Variants in CCL28 observed in about 807,000 individuals in gnomAD.
The protein encoded by CCL28 is C-C motif chemokine 28.
Under a neutral mutation model 7.1 loss-of-function variants are expected in CCL28, and 4 were observed. That is an observed-to-expected ratio of 0.56 (90% CI 0.28 to 1.29). CCL28 has a LOEUF of 1.29. CCL28 is among the 50% of genes most tolerant of loss of function. The pLI, the probability that CCL28 is intolerant of heterozygous loss-of-function variation, is 0.11. For missense variants in CCL28, 151 were observed against 163.4 expected, an observed-to-expected ratio of 0.92 and a Z score of 0.41; for synonymous variants, 55 against 57.8, an observed-to-expected ratio of 0.95 and a Z score of 0.22.
rs10716059 is a variant in CCL28, at chr5:43,393,346, G to GT, written c.65-4871dup. On this transcript the variant is annotated intron_variant, in intron 1 of 2. Coordinates refer to ENST00000361115, the MANE Select transcript of CCL28 (RefSeq NM_148672.3). ...ACCACCACACCCATCCCTTTCTTCC[G>GT]TTTTTTTTTTTCTTTTCTTTTTTTC... 2.4e-3 allele frequency among the ~76,000 whole-genome samples: 344 copies of GT among 145,676 alleles called. 1 individual carries two copies. Among genetic ancestry groups the GT allele is most frequent in the East Asian group, 4.8e-3 (24 of 5,024 alleles).
At chr5:43,373,829 G>C (rs1282169114), downstream of CCL28, among the ~76,000 whole-genome samples, 1 of 152,156 alleles carries the variant, frequency 6.6e-6, no homozygotes, top group Non-Finnish European at 1.5e-5. Flanking sequence ...CGTTTCTCCT[G>C]TCCTACCTAC....
downstream of CCL28, among the ~76,000 whole-genome samples, chr5:43,374,322 C>T (rs867469697): frequency 2.0e-5 from 3 of 152,168 alleles, no homozygotes; most frequent in Admixed American, 6.5e-5. Flanking sequence ...TGAGGAAGAG[C>T]ATAAGCATGG....
chr5:43,381,778 G>C lies in CCL28; in HGVS notation c.*82C>G, dbSNP rs1423713861. 8.6e-7 allele frequency: 1 copy of C among 1,156,312 alleles called. No homozygotes were observed. The highest frequency in any genetic ancestry group is 1.2e-6 in the Non-Finnish European group (1 of 802,000). The allele number at this position is 1,156,312 out of a possible 1,614,324, so 71.6% of individuals were successfully genotyped here. A position where few individuals can be genotyped will look rare whatever the true frequency, so the allele number is the denominator to read the frequency against. On this transcript the variant is annotated 3_prime_UTR_variant, in exon 3 of 3. Transcript: ENST00000361115. ...GTTTTGTTCTGTTGTCTACAATAAGGAGAATTCAGATGATAAACTTACAAC... is the reference window on the plus strand; with the variant it reads ...GTTTTGTTCTGTTGTCTACAATAAGCAGAATTCAGATGATAAACTTACAAC...
chr5:43,378,164 G>A (rs1365615532), downstream of CCL28, among the ~76,000 whole-genome samples: 1 of 142,534 alleles, frequency 7.0e-6, no homozygotes, highest in Non-Finnish European at 1.5e-5. Context: ...GCAACATAGT[G>A]AGACCCTGTC....
intron 1 of CCL28, among the ~76,000 whole-genome samples, chr5:43,396,645 G>A (rs577490467): frequency 6.6e-6 from 1 of 151,990 alleles, no homozygotes; most frequent in Admixed American, 6.6e-5. Context: ...AATGGGTGGG[G>A]TACAGTTAAA....
At chr5:43,367,368 A>C in the CCL28 span, among the ~76,000 whole-genome samples, 1 of 152,032 alleles carries the variant, frequency 6.6e-6, no homozygotes, top group Admixed American at 6.5e-5. Flanking sequence ...TGACATAAGC[A>C]CCCAAGGGAA....
chr5:43,378,001 G>A (rs1739953887), downstream of CCL28, among the ~76,000 whole-genome samples: 2 of 131,680 alleles, frequency 1.5e-5, no homozygotes, highest in Non-Finnish European at 3.0e-5. Context: ...CAAAGTGCTG[G>A]GATTACAGGC....
chr5:43,377,873 C>T (rs1739948495), downstream of CCL28, among the ~76,000 whole-genome samples: 1 of 148,194 alleles, frequency 6.7e-6, no homozygotes, highest in African/African-American at 2.5e-5. Flanking sequence ...GCTGGGACTA[C>T]AGGCGCCCGC....
the CCL28 span, among the ~76,000 whole-genome samples, chr5:43,364,409 C>T: frequency 6.6e-6 from 1 of 151,256 alleles, no homozygotes; most frequent in Non-Finnish European, 1.5e-5. Context: ...TGCTAAGTAC[C>T]CTGATTTGAT....
the CCL28 span, among the ~76,000 whole-genome samples, chr5:43,366,128 G>A: frequency 5.3e-5 from 8 of 152,116 alleles, no homozygotes; most frequent in African/African-American, 1.9e-4. Flanking sequence ...TAGCTCAGAG[G>A]AGTTTGTTAT....
the CCL28 span, among the ~76,000 whole-genome samples, chr5:43,369,105 A>G: frequency 1.1e-4 from 17 of 151,266 alleles, no homozygotes; most frequent in Non-Finnish European, 1.8e-4. Flanking sequence ...ACAAAGTCAC[A>G]ATCTTTTATA....
intron 1 of CCL28, among the ~76,000 whole-genome samples, chr5:43,407,843 C>CATTTCTGAAAAGAAGAT (rs1163345228): frequency 2.0e-5 from 3 of 152,198 alleles, no homozygotes; most frequent in African/African-American, 7.2e-5. Context: ...TATGAACAGA[C>CATTTCTGAAAAGAAGAT]ATTTCTGAAA....
At chr5:43,401,222 G>T (rs1741022242) in intron 1 of CCL28, among the ~76,000 whole-genome samples, 1 of 152,172 alleles carries the variant, frequency 6.6e-6, no homozygotes, top group African/African-American at 2.4e-5. Flanking sequence ...GACCACTGCT[G>T]TCACTAAGTG....
chr5:43,399,537 A>T (rs6451687), intron 1 of CCL28, among the ~76,000 whole-genome samples: 17,620 of 152,218 alleles, frequency 0.12, 2,165 homozygotes, highest in African/African-American at 0.31. Context: ...TAGTGCTAAA[A>T]AAGTTTCTTG....
chr5:43,366,574 G>A, the CCL28 span, among the ~76,000 whole-genome samples: 7 of 152,198 alleles, frequency 4.6e-5, no homozygotes, highest in Non-Finnish European at 8.8e-5. Flanking sequence ...TGTATGAAGT[G>A]TCTGTCAGCC....
intron 2 of CCL28, among the ~76,000 whole-genome samples, chr5:43,382,855 G>C (rs182159193): frequency 3.3e-5 from 5 of 151,538 alleles, no homozygotes; most frequent in Admixed American, 3.3e-4. Context: ...TTTTGCTCTT[G>C]TCACCCAGGC....
chr5:43,406,879 C>A (rs554694548), intron 1 of CCL28, among the ~76,000 whole-genome samples: 14 of 152,292 alleles, frequency 9.2e-5, no homozygotes, highest in African/African-American at 3.4e-4. Context: ...CATGAGTGAA[C>A]TCCCATTCAC....
Position 43,380,979 on chromosome 5 carries a change from T to C in CCL28, c.*881A>G, listed in dbSNP as rs1740089409. The C allele has an allele frequency of 6.6e-6, 1 of 152,154 alleles. No individual in the cohort carries two copies. The highest frequency in any genetic ancestry group is 1.5e-5 in the Non-Finnish European group (1 of 67,986). The allele number at this position is 152,154 out of a possible 1,614,324, so 9.4% of individuals were successfully genotyped here. A position where few individuals can be genotyped will look rare whatever the true frequency, so the allele number is the denominator to read the frequency against. On this transcript the variant is annotated 3_prime_UTR_variant, in exon 3 of 3. Transcript: ENST00000361115. ...CTAAATAGTTGGGAAAATTTGAATA[T>C]GGAATATATTAGATGAAATTATTAA...
intron 1 of CCL28, among the ~76,000 whole-genome samples, chr5:43,404,232 G>GA (rs1741169201): frequency 6.6e-6 from 1 of 152,132 alleles, no homozygotes; most frequent in Non-Finnish European, 1.5e-5. Context: ...TGAAATGAAG[G>GA]AAAAAATGTT....
Sources: allele counts gnomAD v4.1 joint callset (sites outside exome capture counted in the v4.1 genomes callset), GRCh38; gene constraint gnomAD v4.1.1; transcripts MANE v1.5; gene names NCBI Gene and HGNC (gene_info 2026-07-23, HGNC 2026-07-21).